PI15: variants seen among roughly 807,000 people sequenced by gnomAD.
PI15 encodes 25 kDa trypsin inhibitor.
A neutral mutation model predicts 31.0 loss-of-function variants in PI15; 18 were observed. The ratio of observed to expected loss-of-function variants is 0.58; its 90% confidence interval spans 0.40 to 0.86. PI15 has a LOEUF of 0.86. Among genes scored for constraint, PI15 ranks in the 40% least tolerant of loss-of-function variants. The pLI, the probability that PI15 is intolerant of heterozygous loss-of-function variation, is 0.00. For missense variants in PI15, 282 were observed against 328.1 expected (o/e 0.86, Z 1.09); for synonymous variants, 118 against 119.1 (o/e 0.99, Z 0.06).
intron 2 of PI15, among the ~76,000 whole-genome samples, chr8:74,840,248 C>A (rs889476440): frequency 1.3e-5 from 2 of 152,242 alleles, no homozygotes; most frequent in East Asian, 3.9e-4. Context: ...ATTTGAATAA[C>A]TCTCTTCCAG....
intron 2 of PI15, among the ~76,000 whole-genome samples, chr8:74,826,611 C>T (rs1452718467): frequency 6.6e-6 from 1 of 152,034 alleles, no homozygotes; most frequent in African/African-American, 2.4e-5. Context: ...AAGATGTAAT[C>T]AGTCCTGGTG....
rs961206369 is a variant in PI15, at chr8:74,853,607, A to C, written c.*4354A>C. The stretch of plus-strand genomic sequence containing the variant: ...GCACTGGCGCCCTCTGGTGGTTATG[A>C]AGACAAATTCTTAATGGCTACTTGA... On this transcript the variant is annotated 3_prime_UTR_variant, in exon 6 of 6. Coordinates refer to ENST00000260113, the MANE Select transcript of PI15 (RefSeq NM_015886.5). 1 of 152,512 alleles carries C rather than the reference A, an allele frequency of 6.6e-6. No homozygotes were observed. The highest frequency in any genetic ancestry group is 6.6e-5 in the Admixed American group (1 of 15,240). The allele number at this position is 152,512 out of a possible 1,614,324, so 9.4% of individuals were successfully genotyped here. A position where few individuals can be genotyped will look rare whatever the true frequency, so the allele number is the denominator to read the frequency against.
rs1332121682 is a variant in PI15 at position 74,850,886 on chromosome 8, T to C, written c.*1633T>C. 2.6e-5 allele frequency: 4 copies of C among 152,318 alleles called. No individual in the cohort carries two copies. Among genetic ancestry groups the C allele is most frequent in the African/African-American group, 4.8e-5 (2 of 41,458 alleles). The allele number at this position is 152,318 out of a possible 1,614,324, so 9.4% of individuals were successfully genotyped here. On this transcript the variant is annotated 3_prime_UTR_variant, in exon 6 of 6. Coordinates refer to ENST00000260113, the MANE Select transcript of PI15 (RefSeq NM_015886.5). ...GTTGTGTAATGCTCCCGTAGAATTA[T>C]AGAACAATTAAATATGGTTAGTTCC... is the stretch of plus-strand genomic sequence containing the variant.
At chr8:74,843,700 C>T (rs755757267) in intron 2 of PI15, among the ~76,000 whole-genome samples, 14 of 151,986 alleles carry the variant, frequency 9.2e-5, no homozygotes, top group Admixed American at 2.0e-4. Flanking sequence ...CCTATCACTA[C>T]GAAAAATACA....
chr8:74,842,574 C>A (rs777488764), intron 2 of PI15, among the ~76,000 whole-genome samples: 2 of 151,816 alleles, frequency 1.3e-5, no homozygotes, highest in African/African-American at 4.8e-5. Flanking sequence ...TATAAATATT[C>A]TCTATTGTGT....
chr8:74,825,030 G>A (rs1810671290), intron 1 of PI15, 180 bp from the exon 2 acceptor site: 1 of 610,824 alleles, frequency 1.6e-6, no homozygotes, highest in Middle Eastern at 4.6e-4. Flanking sequence ...TCTGCCTCAT[G>A]ACACTAAAAA....
chr8:74,846,631 A>G (rs191857587), intron 5 of PI15, among the ~76,000 whole-genome samples: 81 of 152,310 alleles, frequency 5.3e-4, no homozygotes, highest in Non-Finnish European at 9.7e-4. Context: ...AAGATATTAC[A>G]TTAACATGCT....
intron 5 of PI15, among the ~76,000 whole-genome samples, chr8:74,847,003 GT>G (rs1811035762): frequency 6.6e-6 from 1 of 152,088 alleles, no homozygotes; most frequent in Non-Finnish European, 1.5e-5. Flanking sequence ...TATAAAATAT[GT>G]AATAATTTTA....
intron 5 of PI15, among the ~76,000 whole-genome samples, chr8:74,846,836 G>A (rs1188840088): frequency 6.6e-6 from 1 of 151,956 alleles, no homozygotes; most frequent in East Asian, 1.9e-4. Flanking sequence ...AGGAGGGAAA[G>A]AGATAAGTGA....
At chr8:74,828,684 A>G (rs1810734792) in intron 2 of PI15, among the ~76,000 whole-genome samples, 1 of 152,094 alleles carries the variant, frequency 6.6e-6, no homozygotes, top group Non-Finnish European at 1.5e-5. Context: ...CCTCACAGAT[A>G]TATGTGCTGT....
rs369780650 is a variant in PI15 at position 74,825,366 on chromosome 8, T to C, written c.117T>C (p.Asp39=). 1.2e-6 allele frequency: 2 copies of C among 1,613,496 alleles called. No individual in the cohort carries two copies. The highest frequency in any genetic ancestry group is 1.3e-5 in the African/African-American group (1 of 74,966). Residue 39 remains aspartate (D), a synonymous_variant, in exon 2 of 6, where the codon GAT becomes GAC. Coordinates refer to ENST00000260113, the MANE Select transcript of PI15 (RefSeq NM_015886.5). ...DSSPPTNNFT[D]IEAALKAQLD... Reference sequence around the variant, plus strand: ...CCCCGCCAACCAATAATTTCACTGATATTGAAGCAGCTCTGAAAGCACAAT... The same window carrying C: ...CCCCGCCAACCAATAATTTCACTGACATTGAAGCAGCTCTGAAAGCACAAT...
intron 2 of PI15, among the ~76,000 whole-genome samples, chr8:74,827,072 C>A (rs1314288301): frequency 6.6e-6 from 1 of 152,004 alleles, no homozygotes; most frequent in Non-Finnish European, 1.5e-5. Flanking sequence ...GGCATAATAT[C>A]CCAACTATGA....
intron 2 of PI15, among the ~76,000 whole-genome samples, chr8:74,832,083 G>A (rs994700580): frequency 2.6e-5 from 4 of 152,106 alleles, no homozygotes; most frequent in Admixed American, 1.3e-4. Context: ...CCTCAGCTAC[G>A]TTTAAGGCAA....
Position 74,854,999 on chromosome 8 carries a change from G to GT in PI15, c.*5752dup, listed in dbSNP as rs1396176572. 3 of 149,554 alleles carry GT rather than the reference G, an allele frequency of 2.0e-5. No individual in the cohort carries two copies. Among genetic ancestry groups the GT allele is most frequent in the Non-Finnish European group, 3.0e-5 (2 of 67,588 alleles). 9.3% of individuals were successfully genotyped at this position (149,554 alleles called of 1,614,324 possible). A position where few individuals can be genotyped will look rare whatever the true frequency, so the allele number is the denominator to read the frequency against. On this transcript the variant is annotated 3_prime_UTR_variant, in exon 6 of 6. Coordinates refer to ENST00000260113, the MANE Select transcript of PI15 (RefSeq NM_015886.5). ...GTAGCTTTTTAAAGTCCATTGTATT[G>GT]TTTTTTCTTTCAATAAAAGAGTATA...
intron 2 of PI15, among the ~76,000 whole-genome samples, chr8:74,830,841 G>A (rs191844660): frequency 9.9e-5 from 15 of 152,114 alleles, no homozygotes; most frequent in Non-Finnish European, 1.8e-4. Flanking sequence ...GCATGCTTTC[G>A]TGACCACTAG....
chr8:74,853,932 G>A lies in PI15; in HGVS notation c.*4679G>A, dbSNP rs1811142987. The A allele has an allele frequency of 1.3e-5, 2 of 151,778 alleles. No individual in the cohort carries two copies. The highest frequency in any genetic ancestry group is 2.4e-5 in the African/African-American group (1 of 41,436). The allele number at this position is 151,778 out of a possible 1,614,324, so 9.4% of individuals were successfully genotyped here. The stretch of plus-strand genomic sequence containing the variant: ...TTAGAATTACAATTAATTAACAGAG[G>A]TATAATTGTCTCACTTTCAGAAGTG... On this transcript the variant is annotated 3_prime_UTR_variant, in exon 6 of 6. Coordinates refer to ENST00000260113, the MANE Select transcript of PI15 (RefSeq NM_015886.5).
intron 2 of PI15, among the ~76,000 whole-genome samples, chr8:74,838,661 G>A (rs954415562): frequency 2.0e-5 from 3 of 151,876 alleles, no homozygotes; most frequent in African/African-American, 7.3e-5. Context: ...GTGAGAAAGG[G>A]CACTATTTGG....
chr8:74,848,708 T>A (rs1406808473), intron 5 of PI15, among the ~76,000 whole-genome samples: 1 of 143,452 alleles, frequency 7.0e-6, no homozygotes, highest in Non-Finnish European at 1.5e-5. Context: ...ATATACAATA[T>A]ATATAAATAT....
intron 2 of PI15, chr8:74,826,281 AGTCCAGC>A: frequency 1.0e-6 from 1 of 974,182 alleles, no homozygotes; most frequent in Non-Finnish European, 1.2e-6. Context: ...TATGATTTAA[AGTCCAGC>A]GTCTTACAAG....
Sources: allele counts gnomAD v4.1 joint callset (sites outside exome capture counted in the v4.1 genomes callset), GRCh38; gene constraint gnomAD v4.1.1; transcripts MANE v1.5; gene names NCBI Gene and HGNC (gene_info 2026-07-23, HGNC 2026-07-21).